Variants in ASCC3 observed in about 807,000 individuals in gnomAD.
ASCC3 encodes the protein ASC-1 complex subunit P200.
Under a neutral mutation model 256.3 loss-of-function variants are expected in ASCC3, and 158 were observed. The observed-to-expected ratio is 0.62, with a 90% CI of 0.54 to 0.70. ASCC3 has a LOEUF of 0.70. Ranked by LOEUF, ASCC3 falls within the 30% of genes least tolerant of loss-of-function variation. The pLI is 0.00. For synonymous variants in ASCC3, 948 were observed against 883.4 expected, an observed-to-expected ratio of 1.07 and a Z score of -1.30; for missense variants, 2,259 against 2,626.0, an observed-to-expected ratio of 0.86 and a Z score of 3.05.
intron 20 of ASCC3, among the ~76,000 whole-genome samples, chr6:100,649,315 A>G (rs1197223312): frequency 6.6e-6 from 1 of 151,772 alleles, no homozygotes; most frequent in Non-Finnish European, 1.5e-5. Flanking sequence ...GTAAAACTTT[A>G]CCTTTTATTT....
chr6:100,682,170 C>T (rs77623998), intron 13 of ASCC3, among the ~76,000 whole-genome samples: 2,167 of 151,732 alleles, frequency 0.014, 41 homozygotes, highest in African/African-American at 0.05. Flanking sequence ...CATTAACCCC[C>T]AAATTAAATT....
intron 16 of ASCC3, among the ~76,000 whole-genome samples, chr6:100,658,825 T>C (rs1776046559): frequency 6.6e-6 from 1 of 151,582 alleles, no homozygotes; most frequent in Non-Finnish European, 1.5e-5. Flanking sequence ...GAACTCCGTA[T>C]AAAAAATGTA....
intron 8 of ASCC3, among the ~76,000 whole-genome samples, chr6:100,792,485 C>T (rs1375639066): frequency 6.6e-6 from 1 of 151,808 alleles, no homozygotes; most frequent in South Asian, 2.1e-4. Context: ...ATGCAACATC[C>T]TTTGTGTGGC....
At chr6:100,775,255 A>G (rs1217199089) in intron 8 of ASCC3, among the ~76,000 whole-genome samples, 1 of 152,182 alleles carries the variant, frequency 6.6e-6, no homozygotes, top group African/African-American at 2.4e-5. Context: ...AAAACCATAG[A>G]AATAATAAAT....
At chr6:100,705,504 T>C (rs1778536663) in intron 13 of ASCC3, among the ~76,000 whole-genome samples, 1 of 152,058 alleles carries the variant, frequency 6.6e-6, no homozygotes. Context: ...GGACATGTAT[T>C]TCAGTCTTCT....
At chr6:100,651,213 T>C (rs1006157111) in intron 19 of ASCC3, among the ~76,000 whole-genome samples, 6 of 151,894 alleles carry the variant, frequency 4.0e-5, no homozygotes, top group South Asian at 2.1e-4. Flanking sequence ...TTAATACAGG[T>C]ACAGAAATAC....
chr6:100,580,798 G>A (rs541880720), intron 36 of ASCC3, among the ~76,000 whole-genome samples: 7 of 138,256 alleles, frequency 5.1e-5, no homozygotes, highest in African/African-American at 1.9e-4. Context: ...TGTTCTCATT[G>A]TTCAATTCCC....
At chr6:100,755,299 T>C (rs1199845313) in intron 10 of ASCC3, among the ~76,000 whole-genome samples, 1 of 147,586 alleles carries the variant, frequency 6.8e-6, no homozygotes, top group East Asian at 1.9e-4. Context: ...TAATGTTAAA[T>C]AAATTAACCT....
intron 8 of ASCC3, among the ~76,000 whole-genome samples, chr6:100,798,168 T>C (rs1027923767): frequency 6.6e-6 from 1 of 152,138 alleles, no homozygotes. Context: ...ATATGAATAC[T>C]TTAACCTAAA....
intron 10 of ASCC3, among the ~76,000 whole-genome samples, chr6:100,749,124 T>C (rs981445566): frequency 6.6e-5 from 10 of 152,022 alleles, no homozygotes; most frequent in Non-Finnish European, 1.3e-4. Context: ...ATCAACTTAG[T>C]TTTTGAGATA....
At chr6:100,761,805 G>A (rs1332286651) in intron 10 of ASCC3, among the ~76,000 whole-genome samples, 5 of 152,092 alleles carry the variant, frequency 3.3e-5, no homozygotes, top group Admixed American at 1.3e-4. Flanking sequence ...CCCAATGCCA[G>A]GCAGAGAACT....
At chr6:100,858,342 G>A (rs1452877797) in intron 3 of ASCC3, 1 of 302,500 alleles carries the variant, frequency 3.3e-6, no homozygotes, top group Non-Finnish European at 4.9e-6. Context: ...ATGTTAGCAA[G>A]GATTTTTAAT....
chr6:100,832,565 A>G (rs1380068731), intron 4 of ASCC3, among the ~76,000 whole-genome samples: 3 of 152,098 alleles, frequency 2.0e-5, no homozygotes, highest in Non-Finnish European at 4.4e-5. Flanking sequence ...AAATGAATAA[A>G]TCATTTTTAA....
At chr6:100,738,376 T>C (rs1035472716) in intron 10 of ASCC3, among the ~76,000 whole-genome samples, 3 of 152,178 alleles carry the variant, frequency 2.0e-5, no homozygotes, top group Non-Finnish European at 4.4e-5. Flanking sequence ...CTTTAATCCA[T>C]CTTGAGTTAA....
intron 37 of ASCC3, chr6:100,530,744 T>C: frequency 1.0e-6 from 1 of 960,004 alleles, no homozygotes; most frequent in Non-Finnish European, 1.7e-6. Flanking sequence ...AATTTAAGGA[T>C]TTTTACCAGT....
chr6:100,741,482 A>T (rs1780433063), intron 10 of ASCC3, among the ~76,000 whole-genome samples: 1 of 152,120 alleles, frequency 6.6e-6, no homozygotes, highest in African/African-American at 2.4e-5. Context: ...ATGTTTTCCA[A>T]CTTGGTTCCA....
At chr6:100,513,067 G>T in intron 39 of ASCC3, 149 bp from the exon 40 acceptor site, 1 of 747,712 alleles carries the variant, frequency 1.3e-6, no homozygotes, top group Non-Finnish European at 2.2e-6. Flanking sequence ...ATAATACAGA[G>T]ACATTCTGTG....
intron 13 of ASCC3, among the ~76,000 whole-genome samples, chr6:100,684,329 T>A (rs763228401): frequency 6.6e-6 from 1 of 152,192 alleles, no homozygotes; most frequent in Non-Finnish European, 1.5e-5. Flanking sequence ...CTGTGTTTAG[T>A]AAAATGGTGG....
intron 11 of ASCC3, among the ~76,000 whole-genome samples, chr6:100,721,366 AC>A (rs1261869478): frequency 1.3e-5 from 2 of 151,768 alleles, no homozygotes; most frequent in African/African-American, 4.8e-5. Flanking sequence ...TCCTTGAAAA[AC>A]ATCAGTAAGT....
Sources: gnomAD v4.1 joint callset for allele counts (sites outside exome capture counted in the v4.1 genomes callset) on GRCh38, gnomAD v4.1.1 for gene constraint, MANE v1.5 for transcripts, NCBI Gene and HGNC (gene_info 2026-07-23, HGNC 2026-07-21) for gene names.